The following STRBP variants were observed in gnomAD, a reference collection of about 807,000 sequenced individuals.
STRBP encodes spermatid perinuclear RNA-binding protein.
Under a neutral mutation model 80.1 loss-of-function variants are expected in STRBP, and 13 were observed. The ratio of observed to expected loss-of-function variants is 0.16; its 90% CI spans 0.11 to 0.26. STRBP has a LOEUF of 0.26. Ranked by LOEUF, STRBP falls within the 10% of genes least tolerant of loss-of-function variation. The pLI is 1.00. For synonymous variants in STRBP, 284 were observed against 291.2 expected (o/e 0.98, Z 0.25); for missense variants, 485 against 815.2 (o/e 0.59, Z 4.93).
intron 1 of STRBP, among the ~76,000 whole-genome samples, chr9:123,250,837 G>C (rs1350237197): frequency 3.9e-5 from 6 of 152,206 alleles, no homozygotes; most frequent in Admixed American, 3.9e-4. Context: ...GGAAAGCAGG[G>C]CTGGCTACAG....
intron 2 of STRBP, among the ~76,000 whole-genome samples, chr9:123,224,201 AC>A (rs2132561651): frequency 1.3e-5 from 2 of 152,300 alleles, no homozygotes; most frequent in African/African-American, 4.8e-5. Flanking sequence ...GATTAAGCTA[AC>A]CAAATTCACA....
chr9:123,158,227 C>G, intron 10 of STRBP, 104 bp from the exon 11 acceptor site: 1 of 1,479,750 alleles, frequency 6.8e-7, no homozygotes, highest in Non-Finnish European at 9.4e-7. Flanking sequence ...ATTATAACAG[C>G]AGAAGTCCCT....
chr9:123,224,866 CA>C (rs2040185120), intron 2 of STRBP, among the ~76,000 whole-genome samples: 1 of 152,172 alleles, frequency 6.6e-6, no homozygotes, highest in South Asian at 2.1e-4. Context: ...CTCCATGTTA[CA>C]TACCTAGAGA....
At chr9:123,174,324 G>A (rs1207273004) in intron 4 of STRBP, among the ~76,000 whole-genome samples, 1 of 152,152 alleles carries the variant, frequency 6.6e-6, no homozygotes, top group Admixed American at 6.5e-5. Flanking sequence ...TGTAGTGCCA[G>A]CTATTCAAGA....
intron 1 of STRBP, among the ~76,000 whole-genome samples, chr9:123,247,782 A>G (rs1279710319): frequency 5.3e-5 from 8 of 152,256 alleles, no homozygotes; most frequent in Non-Finnish European, 1.5e-5. Context: ...CATTCAGTAA[A>G]TGGAGAAATC....
chr9:123,195,661 T>G lies in STRBP; in HGVS notation c.-164-11363A>C, dbSNP rs145404498. ...CCAAAGAAGTGAAAGATCTCTACAA[T>G]GAAAACTATAAAGTGCTGATGGAAG... On this transcript the variant is annotated intron_variant, in intron 2 of 18. Transcript: ENST00000348403. Among the ~76,000 whole-genome samples the G allele has an allele frequency of 1.1e-4, 17 of 152,166 alleles. 1 individual carries two copies. In the East Asian group the frequency reaches 3.3e-3, roughly 29 times the overall value.
chr9:123,198,322 G>C (rs1040576834), intron 2 of STRBP, among the ~76,000 whole-genome samples: 2 of 151,926 alleles, frequency 1.3e-5, no homozygotes, highest in African/African-American at 4.8e-5. Context: ...TATTTTTGTA[G>C]AGACACATTT....
intron 16 of STRBP, among the ~76,000 whole-genome samples, chr9:123,134,116 C>CT (rs2036255814): frequency 6.6e-6 from 1 of 152,148 alleles, no homozygotes; most frequent in Admixed American, 6.5e-5. Flanking sequence ...TGAAAAACCT[C>CT]TTTTCCAAAC....
At chr9:123,135,860 T>C (rs2036332182) in intron 16 of STRBP, 181 bp downstream of exon 16, 2 of 624,936 alleles carry the variant, frequency 3.2e-6, no homozygotes, top group Non-Finnish European at 5.4e-6. Context: ...AGAAAGTCCA[T>C]AGAACATGAA....
In STRBP at chr9:123,125,327, G is replaced by A. The variant is rs1481602816; in HGVS notation, c.*270C>T. On this transcript the variant is annotated 3_prime_UTR_variant, in exon 19 of 19. Coordinates refer to ENST00000348403, the MANE Select transcript of STRBP (RefSeq NM_018387.5). ...TCTCTTAAAACTTAAACTTTGAACT[G>A]CTAGACTTTTATTTCCCTAGAACAG... 8.0e-6 allele frequency: 9 copies of A among 1,128,284 alleles called. No individual in the cohort carries two copies. The South Asian group carries it at 1.2e-4, about 14-fold the overall frequency. The allele number at this position is 1,128,284 out of a possible 1,614,324, so 69.9% of individuals were successfully genotyped here.
At chr9:123,187,268 T>TA (rs5900565) in intron 2 of STRBP, among the ~76,000 whole-genome samples, 97 of 138,798 alleles carry the variant, frequency 7.0e-4, no homozygotes, top group African/African-American at 1.7e-3. Flanking sequence ...TTCAGCTATT[T>TA]AAAAAAAAAA....
chr9:123,259,368 T>C (rs1381204074), intron 1 of STRBP, among the ~76,000 whole-genome samples: 1 of 152,138 alleles, frequency 6.6e-6, no homozygotes, highest in Non-Finnish European at 1.5e-5. Flanking sequence ...AGATGTCAGG[T>C]AGGCAGTAGC....
intron 1 of STRBP, among the ~76,000 whole-genome samples, chr9:123,251,345 TTCAAGACCCC>T (rs1204893233): frequency 3.9e-5 from 6 of 152,130 alleles, no homozygotes; most frequent in Non-Finnish European, 8.8e-5. Context: ...TCCCATAATC[TTCAAGACCCC>T]TCAAGACCCC....
chr9:123,207,647 T>C (rs1323076008), intron 2 of STRBP, among the ~76,000 whole-genome samples: 1 of 152,068 alleles, frequency 6.6e-6, no homozygotes, highest in East Asian at 1.9e-4. Context: ...GACGGGTCGA[T>C]GGGTGCAGCA....
chr9:123,202,750 C>T (rs1478132805), intron 2 of STRBP, among the ~76,000 whole-genome samples: 1 of 152,106 alleles, frequency 6.6e-6, no homozygotes, highest in Non-Finnish European at 1.5e-5. Flanking sequence ...GTGATAGATG[C>T]CCCATTTACC....
At chr9:123,130,262 C>T (rs1487602550) in intron 17 of STRBP, among the ~76,000 whole-genome samples, 1 of 152,118 alleles carries the variant, frequency 6.6e-6, no homozygotes, top group African/African-American at 2.4e-5. Flanking sequence ...ACAACAGTCC[C>T]TGCTGCACAG....
chr9:123,148,956 T>C (rs1220775828), intron 11 of STRBP, among the ~76,000 whole-genome samples: 1 of 152,182 alleles, frequency 6.6e-6, no homozygotes, highest in Non-Finnish European at 1.5e-5. Context: ...GCCACCAATT[T>C]ATAATGTTGT....
intron 3 of STRBP, chr9:123,180,837 T>C: frequency 1.3e-6 from 1 of 790,298 alleles, no homozygotes; most frequent in South Asian, 5.8e-5. Flanking sequence ...AAATATTCCA[T>C]TTAAAAGCTG....
At chr9:123,198,731 C>T (rs971925516) in intron 2 of STRBP, among the ~76,000 whole-genome samples, 1 of 152,148 alleles carries the variant, frequency 6.6e-6, no homozygotes, top group Non-Finnish European at 1.5e-5. Context: ...TGTCTCAGGT[C>T]TTACATTTAA....
Sources: allele counts gnomAD v4.1 joint callset (sites outside exome capture counted in the v4.1 genomes callset), GRCh38; gene constraint gnomAD v4.1.1; transcripts MANE v1.5; gene names NCBI Gene and HGNC (gene_info 2026-07-23, HGNC 2026-07-21).